Variants in RAP1GDS1 observed in about 807,000 individuals in gnomAD.
The protein encoded by RAP1GDS1 is RAP1, GTP-GDP dissociation stimulator 1.
RAP1GDS1 carries 35 observed loss-of-function variants against 71.1 expected under a neutral mutation model. That is an observed-to-expected ratio of 0.49 (90% CI 0.38 to 0.65). The LOEUF is 0.65. Among genes scored for constraint, RAP1GDS1 ranks in the 30% least tolerant of loss-of-function variants. RAP1GDS1 has a pLI of 0.00. For missense variants in RAP1GDS1, 663 were observed against 706.1 expected (o/e 0.94, Z 0.69); for synonymous variants, 229 against 243.1 (o/e 0.94, Z 0.54).
intron 5 of RAP1GDS1, chr4:98,387,411 C>T (rs1246194677): frequency 2.2e-6 from 1 of 455,372 alleles, no homozygotes; most frequent in Non-Finnish European, 4.4e-6. Context: ...GGAAAAGGTT[C>T]CTCAACTTGA....
At chr4:98,324,505 A>G (rs1732598069) in intron 2 of RAP1GDS1, among the ~76,000 whole-genome samples, 1 of 146,660 alleles carries the variant, frequency 6.8e-6, no homozygotes, top group Non-Finnish European at 1.5e-5. Flanking sequence ...ACATCACACT[A>G]CCTGACTTCA....
chr4:98,440,378 A>G (rs909048535), intron 14 of RAP1GDS1, among the ~76,000 whole-genome samples: 1 of 152,146 alleles, frequency 6.6e-6, no homozygotes, highest in African/African-American at 2.4e-5. Context: ...ATGGTCATTC[A>G]ATGTTTAATT....
chr4:98,303,071 A>G (rs1019890644), intron 2 of RAP1GDS1, among the ~76,000 whole-genome samples: 3 of 152,084 alleles, frequency 2.0e-5, no homozygotes, highest in African/African-American at 7.2e-5. Flanking sequence ...AAAAGAGGAA[A>G]GAAAGTCAGA....
intron 1 of RAP1GDS1, among the ~76,000 whole-genome samples, chr4:98,283,174 A>G (rs1197870986): frequency 6.6e-6 from 1 of 152,238 alleles, no homozygotes; most frequent in African/African-American, 2.4e-5. Flanking sequence ...ATCATTACAA[A>G]ATGCAAAACT....
chr4:98,381,268 ATCT>A (rs1310290187), intron 5 of RAP1GDS1, among the ~76,000 whole-genome samples: 1 of 151,588 alleles, frequency 6.6e-6, no homozygotes. Flanking sequence ...AAAAGACATA[ATCT>A]TGAGTATTTT....
intron 6 of RAP1GDS1, 56 bp from the exon 7 acceptor site, chr4:98,404,421 T>C: frequency 6.8e-7 from 1 of 1,478,154 alleles, no homozygotes; most frequent in South Asian, 1.3e-5. Flanking sequence ...ATTGAAAGTA[T>C]TAGAAAACAG....
intron 1 of RAP1GDS1, among the ~76,000 whole-genome samples, chr4:98,275,277 C>G (rs954836656): frequency 7.2e-5 from 11 of 152,072 alleles, no homozygotes; most frequent in African/African-American, 2.7e-4. Context: ...ACAGGAAGAT[C>G]AAATGTGGTA....
chr4:98,359,977 T>C (rs750879488), intron 4 of RAP1GDS1, among the ~76,000 whole-genome samples: 16 of 152,210 alleles, frequency 1.1e-4, no homozygotes, highest in Non-Finnish European at 1.8e-4. Flanking sequence ...TTAAGCAATG[T>C]AAAGTACTCT....
chr4:98,397,187 T>G (rs1744667986), intron 6 of RAP1GDS1, among the ~76,000 whole-genome samples: 1 of 152,186 alleles, frequency 6.6e-6, no homozygotes. Flanking sequence ...GAATTTTTTT[T>G]TGTTCCCTTC....
chr4:98,380,082 C>CAA lies in RAP1GDS1; in HGVS notation c.508+933_508+934dup, dbSNP rs79487127. On this transcript the variant is annotated intron_variant, in intron 5 of 14. Transcript: ENST00000408927. ...GTCCAAAGAAATATTCTCAATAATT[C>CAA]AAAAAAAAAAAAAAAGATAAACCTT... Among the ~76,000 whole-genome samples the CAA allele has an allele frequency of 8.4e-3, 920 of 109,700 alleles. 10 individuals are homozygous for CAA. Among genetic ancestry groups the CAA allele is most frequent in the African/African-American group, 0.028 (873 of 31,622 alleles). The allele number at this position is 109,700 out of a possible 152,430, so 72.0% of individuals were successfully genotyped here. A position where few individuals can be genotyped will look rare whatever the true frequency, so the allele number is the denominator to read the frequency against.
chr4:98,300,902 T>C (rs971724615), intron 2 of RAP1GDS1, among the ~76,000 whole-genome samples: 1 of 152,206 alleles, frequency 6.6e-6, no homozygotes, highest in Non-Finnish European at 1.5e-5. Context: ...AAAACTTTTG[T>C]TGTCATTTGC....
At chr4:98,441,378 G>A (rs964644449) in intron 14 of RAP1GDS1, 3 of 984,966 alleles carry the variant, frequency 3.0e-6, no homozygotes, top group African/African-American at 1.7e-5. Context: ...AGGGAGTCCA[G>A]TGTCACAGAA....
chr4:98,312,353 A>G (rs1169792828), intron 2 of RAP1GDS1, among the ~76,000 whole-genome samples: 1 of 152,030 alleles, frequency 6.6e-6, no homozygotes, highest in African/African-American at 2.4e-5. Context: ...ACACTTTTTA[A>G]TGTTGATCCC....
intron 1 of RAP1GDS1, among the ~76,000 whole-genome samples, chr4:98,273,852 C>A (rs980037456): frequency 1.3e-5 from 2 of 152,008 alleles, no homozygotes; most frequent in African/African-American, 4.8e-5. Context: ...TTAACCACTT[C>A]CAATTTAAGG....
At chr4:98,264,512 A>T (rs533094307) in intron 1 of RAP1GDS1, among the ~76,000 whole-genome samples, 1 of 152,336 alleles carries the variant, frequency 6.6e-6, no homozygotes, top group South Asian at 2.1e-4. Context: ...GTCATATTTC[A>T]GATTCAACAT....
chr4:98,394,971 A>G (rs892287319), intron 6 of RAP1GDS1, among the ~76,000 whole-genome samples: 5 of 152,126 alleles, frequency 3.3e-5, no homozygotes, highest in South Asian at 2.1e-4. Flanking sequence ...AACAATACTT[A>G]TTATCCTTAA....
intron 1 of RAP1GDS1, among the ~76,000 whole-genome samples, chr4:98,273,274 A>C (rs577701780): frequency 6.6e-6 from 1 of 152,300 alleles, no homozygotes; most frequent in Non-Finnish European, 1.5e-5. Context: ...TGTGCATTAA[A>C]ATGATGTATA....
At chr4:98,343,405 A>G in intron 3 of RAP1GDS1, 144 bp downstream of exon 3, 2 of 993,848 alleles carry the variant, frequency 2.0e-6, no homozygotes, top group Non-Finnish European at 3.0e-6. Context: ...CTCTTCATGT[A>G]ATTGTTTTAA....
Position 98,377,828 on chromosome 4 carries a change from A to C in RAP1GDS1, c.362-1189A>C, listed in dbSNP as rs17027523. ...CATTTATTTTGCTGATCTTTGTGCT[A>C]TATTTCTGTAGCTGAATAGTACAGT... On this transcript the variant is annotated intron_variant, in intron 4 of 14. Transcript: ENST00000408927. Among the ~76,000 whole-genome samples the C allele has an allele frequency of 5.5e-4, 83 of 151,708 alleles. No homozygotes were observed. In the Middle Eastern group the frequency reaches 0.024, roughly 44 times the overall value.
Sources: gnomAD v4.1 joint callset for allele counts (sites outside exome capture counted in the v4.1 genomes callset) on GRCh38, gnomAD v4.1.1 for gene constraint, MANE v1.5 for transcripts, NCBI Gene and HGNC (gene_info 2026-07-23, HGNC 2026-07-21) for gene names.